Variants in SPATC1 observed in about 807,000 individuals in gnomAD.
The protein encoded by SPATC1 is speriolin.
A neutral mutation model predicts 36.5 loss-of-function variants in SPATC1; 35 were observed. The ratio of observed to expected loss-of-function variants is 0.96; its 90% CI spans 0.73 to 1.27. The LOEUF is 1.27. Among genes scored for constraint, SPATC1 ranks in the 50% most tolerant of loss-of-function variants. The pLI, the probability that SPATC1 is intolerant of heterozygous loss-of-function variation, is 0.00. For missense variants in SPATC1, 779 were observed against 796.0 expected, an observed-to-expected ratio of 0.98 and a Z score of 0.26; for synonymous variants, 361 against 353.6, an observed-to-expected ratio of 1.02 and a Z score of -0.24.
At chr8:144,019,041 C>CA (rs1212175839) in intron 1 of SPATC1, among the ~76,000 whole-genome samples, 11,902 of 53,852 alleles carry the variant, frequency 0.22, 1,010 homozygotes, top group Admixed American at 0.26. Context: ...GACTCCGTCT[C>CA]AAAAAAAAAA....
At position 144,045,222 on chromosome 8, in the gene SPATC1, C is replaced by T. The variant is rs1554756607; in HGVS notation, c.1447-1405C>T. Among the ~76,000 whole-genome samples the T allele has an allele frequency of 6.6e-6, 1 of 152,208 alleles. No individual in the cohort carries two copies. Among genetic ancestry groups the T allele is most frequent in the Non-Finnish European group, 1.5e-5 (1 of 68,036 alleles). On this transcript the variant is annotated intron_variant, in intron 4 of 4. Coordinates refer to ENST00000377470, the MANE Select transcript of SPATC1 (RefSeq NM_198572.3). The surrounding 1 kb of genome is among the most constrained non-coding windows in gnomAD (Gnocchi z 5.2). Reference sequence around the variant, plus strand: ...GAACCTCAATGGTGTCTTCCTGCCCCCCACAACTGTGCATATTACTCGTTT... The same window carrying T: ...GAACCTCAATGGTGTCTTCCTGCCCTCCACAACTGTGCATATTACTCGTTT...
intron 1 of SPATC1, among the ~76,000 whole-genome samples, chr8:144,021,661 C>T (rs1369903438): frequency 8.0e-6 from 1 of 124,476 alleles, no homozygotes; most frequent in African/African-American, 2.9e-5. Context: ...ATCCTCCCCC[C>T]TCAGGAAGCT....
chr8:144,037,822 T>TA (rs782144348), intron 1 of SPATC1, among the ~76,000 whole-genome samples: 3,505 of 130,432 alleles, frequency 0.027, 143 homozygotes, highest in African/African-American at 0.087. Context: ...ATAGATTAAT[T>TA]AAAAAAAAAA....
intron 1 of SPATC1, among the ~76,000 whole-genome samples, chr8:144,039,069 T>C (rs1455794890): frequency 6.6e-6 from 1 of 152,224 alleles, no homozygotes; most frequent in African/African-American, 2.4e-5. Context: ...TTTTCTGTAT[T>C]TCCATTCTTT....
chr8:144,040,758 T>C lies in SPATC1; in HGVS notation c.957T>C (p.Pro319=), dbSNP rs377676341. The stretch of plus-strand genomic sequence containing the variant: ...GTGCCGCCCAGGAACAAGTGGTCCC[T>C]GCATCTGTCCCCACCTCCCCCACCA... ...QPSAAQEQVV[P]ASVPTSPTTS... Residue 319 remains proline (P), a synonymous_variant, in exon 3 of 5, where the codon CCT becomes CCC. Transcript: ENST00000377470. The C allele has an allele frequency of 4.3e-6, 7 of 1,610,368 alleles. No homozygotes were observed. The highest frequency in any genetic ancestry group is 1.1e-5 in the South Asian group (1 of 90,682).
chr8:144,011,036 C>A (rs181521347), upstream of SPATC1, among the ~76,000 whole-genome samples: 7 of 151,846 alleles, frequency 4.6e-5, no homozygotes, highest in South Asian at 1.2e-3. This position sits in a 1 kb window ranked among gnomAD's most constrained non-coding sequence, Gnocchi z 4.5. Flanking sequence ...GTCTATTAGA[C>A]GTCTAATAGA....
rs1835058365 is a variant in SPATC1 at position 144,040,691 on chromosome 8, C to A, written c.890C>A (p.Thr297Lys). Reference protein sequence around the residue: ...IGAMGTPAPKTAFSFNTSDTQ... With the variant: ...IGAMGTPAPKKAFSFNTSDTQ... ...GCCATGGGCACACCTGCTCCCAAGA[C>A]GGCCTTCTCCTTCAACACTTCGGAC... The change falls in exon 3 of 5, where the codon ACG becomes AAG. Residue 297 changes from threonine (T) to lysine (K), a missense_variant. By Grantham distance (78) the Thr-to-Lys change is moderately conservative. Transcript: ENST00000377470. The A allele has an allele frequency of 6.2e-7, 1 of 1,613,818 alleles. No individual in the cohort carries two copies. Among genetic ancestry groups the A allele is most frequent in the Non-Finnish European group, 8.5e-7 (1 of 1,179,974 alleles).
Position 144,041,348 on chromosome 8 carries a change from A to G in SPATC1, c.1423A>G (p.Asn475Asp). ...RVRLYGFTVS[N>D]IPEKIIQASL... The stretch of plus-strand genomic sequence containing the variant: ...ACGGCTCTACGGCTTCACTGTCTCC[A>G]ACATCCCAGAGAAGATCATCCAGGT... The change falls in exon 4 of 5, where the codon AAC (asparagine) becomes GAC (aspartate). Residue 475 changes from asparagine to aspartate, a missense_variant. Coordinates refer to ENST00000377470, the MANE Select transcript of SPATC1 (RefSeq NM_198572.3). 5 of 1,611,088 alleles carry G rather than the reference A, an allele frequency of 3.1e-6. No individual in the cohort carries two copies. Among genetic ancestry groups the G allele is most frequent in the Non-Finnish European group, 4.2e-6 (5 of 1,179,998 alleles).
chr8:144,042,311 A>ATATATATTTTTT (rs1412021347), intron 4 of SPATC1, among the ~76,000 whole-genome samples: 4 of 23,882 alleles, frequency 1.7e-4, no homozygotes, highest in African/African-American at 9.6e-4. Flanking sequence ...ATATATATAT[A>ATATATATTTTTT]TTTTTTTTTT....
Position 144,023,006 on chromosome 8 carries a change from C to T in SPATC1, c.211+10280C>T, listed in dbSNP as rs1834572503. Among the ~76,000 whole-genome samples, 3 of 143,192 alleles carry T rather than the reference C, an allele frequency of 2.1e-5. No individual in the cohort carries two copies. In the South Asian group the frequency reaches 7.0e-4, roughly 33 times the overall value. 93.9% of individuals were successfully genotyped at this position (143,192 alleles called of 152,430 possible). ...ACCCTCTTCCCTGAAAACCCTCTTC[C>T]CTCAAGACCCTCTTCCCTGAGGAAC... On this transcript the variant is annotated intron_variant, in intron 1 of 4. Transcript: ENST00000377470.
chr8:144,018,396 G>A (rs1261858233), intron 1 of SPATC1, among the ~76,000 whole-genome samples: 1 of 152,088 alleles, frequency 6.6e-6, no homozygotes, highest in Non-Finnish European at 1.5e-5. Context: ...CTTGGGGTGA[G>A]GGGAGTGGAC....
At chr8:144,029,185 C>T (rs1160430597) in intron 1 of SPATC1, among the ~76,000 whole-genome samples, 1 of 117,432 alleles carries the variant, frequency 8.5e-6, no homozygotes, top group Non-Finnish European at 1.6e-5. Context: ...GCACATCCTA[C>T]ACATGTACCC....
At chr8:144,018,959 A>G (rs1172851545) in intron 1 of SPATC1, among the ~76,000 whole-genome samples, 14 of 145,934 alleles carry the variant, frequency 9.6e-5, no homozygotes, top group South Asian at 6.8e-4. Flanking sequence ...GGAGAATGGC[A>G]TGAACCCGGG....
In SPATC1 at chr8:144,040,097, A is replaced by C. The variant is rs368878954; in HGVS notation, c.400A>C (p.Ser134Arg). 6.8e-6 allele frequency: 11 copies of C among 1,611,602 alleles called. No individual in the cohort carries two copies. Among genetic ancestry groups the C allele is most frequent in the African/African-American group, 2.7e-5 (2 of 74,882 alleles). ...LLSGPAPTSQ[S>R]SPLTSFLTSP... ...GTCTGGCCCAGCACCCACGTCACAG[A>C]GCAGCCCCCTCACCAGCTTCCTGAC... Residue 134 changes from serine to arginine, a missense_variant, in exon 2 of 5, where the codon AGC becomes CGC. Physicochemically the swap from Ser to Arg is moderately radical, Grantham distance 110 (BLOSUM62 -1). Transcript: ENST00000377470.
chr8:144,041,254 G>C lies in SPATC1; in HGVS notation c.1329G>C (p.Glu443Asp), dbSNP rs782422964. The C allele has an allele frequency of 1.2e-6, 2 of 1,613,276 alleles. No individual in the cohort carries two copies. Among genetic ancestry groups the C allele is most frequent in the South Asian group, 1.1e-5 (1 of 91,068 alleles). ...NPRESKQLAW[E>D]RLVGEIAFQL... ...CAGAGTCGAAGCAGCTGGCCTGGGA[G>C]AGGCTGGTGGGTGAGATTGCCTTCC... Residue 443 changes from glutamate (E) to aspartate (D), a missense_variant, in exon 4 of 5, where the codon GAG (glutamate) becomes GAC (aspartate). Glu to Asp is a conservative substitution (Grantham distance 45). Transcript: ENST00000377470.
chr8:144,039,121 G>A (rs1236919805), intron 1 of SPATC1, among the ~76,000 whole-genome samples: 1 of 152,144 alleles, frequency 6.6e-6, no homozygotes, highest in African/African-American at 2.4e-5. Flanking sequence ...AACAAAAGTG[G>A]AAGTTCTCAA....
chr8:144,047,072 T>A lies in SPATC1; in HGVS notation c.*116T>A. ...GCCAGCGCTCCTGGGTGGTGCTGCC[T>A]CCTCTGGGGTGGCTCACCGGGCCCC... On this transcript the variant is annotated 3_prime_UTR_variant, in exon 5 of 5. Transcript: ENST00000377470. The surrounding 1 kb of genome is among the most constrained non-coding windows in gnomAD (Gnocchi z 4.1). The A allele has an allele frequency of 1.5e-6, 2 of 1,290,850 alleles. No individual in the cohort carries two copies. Among genetic ancestry groups the A allele is most frequent in the Non-Finnish European group, 2.1e-6 (2 of 956,814 alleles). 80.0% of individuals were successfully genotyped at this position (1,290,850 alleles called of 1,614,324 possible). A position where few individuals can be genotyped will look rare whatever the true frequency, so the allele number is the denominator to read the frequency against.
intron 1 of SPATC1, among the ~76,000 whole-genome samples, chr8:144,033,323 GGGA>G: frequency 6.6e-6 from 1 of 152,162 alleles, no homozygotes; most frequent in South Asian, 2.1e-4. Context: ...GTTTGAACCC[GGGA>G]GGAGGAGGTT....
At chr8:144,030,185 C>G (rs892678826) in intron 1 of SPATC1, among the ~76,000 whole-genome samples, 2 of 152,138 alleles carry the variant, frequency 1.3e-5, no homozygotes, top group African/African-American at 2.4e-5. Flanking sequence ...GTGTGTCTTT[C>G]GATCTAAAGT....
Sources: gnomAD v4.1 joint callset for allele counts (sites outside exome capture counted in the v4.1 genomes callset) on GRCh38, gnomAD v4.1.1 for gene constraint, Gnocchi (gnomAD v3.1) non-coding constraint, MANE v1.5 for transcripts, NCBI Gene and HGNC (gene_info 2026-07-23, HGNC 2026-07-21) for gene names.